Variants in PLD5 observed in about 807,000 individuals in gnomAD.
PLD5 encodes phospholipase D family member 5.
A neutral mutation model predicts 61.1 loss-of-function variants in PLD5; 36 were observed. The observed-to-expected ratio is 0.59, with a 90% CI of 0.45 to 0.78. The LOEUF (loss-of-function observed/expected upper bound fraction) is 0.78, where lower values mean the gene tolerates loss of function less well. Among genes scored for constraint, PLD5 ranks in the 30% least tolerant of loss-of-function variants. The pLI, the probability that PLD5 is intolerant of heterozygous loss-of-function variation, is 0.00. For missense variants in PLD5, 515 were observed against 644.4 expected (o/e 0.80, Z 2.17); for synonymous variants, 243 against 242.8 (o/e 1.00, Z -0.01).
At chr1:242,163,935 A>T (rs1051533770) in intron 5 of PLD5, among the ~76,000 whole-genome samples, 2 of 152,184 alleles carry the variant, frequency 1.3e-5, no homozygotes, top group African/African-American at 4.8e-5. Context: ...ATATATATAC[A>T]TTCCAGCAGA....
chr1:242,413,924 A>G (rs1219901379), intron 1 of PLD5, among the ~76,000 whole-genome samples: 1 of 152,178 alleles, frequency 6.6e-6, no homozygotes, highest in Admixed American at 6.5e-5. Flanking sequence ...TTGTTAAGGA[A>G]CCAAGATTTT....
In PLD5 at chr1:242,219,981, A is replaced by C. The variant is rs1226114025; in HGVS notation, c.735+7T>G. ...AACATTGAGTTTACATAACGTAGAA[A>C]GCTTACCTGTCCCAGGGATTGCCAG... On this transcript the variant is annotated splice_region_variant and intron_variant, in intron 5 of 9. Transcript: ENST00000536534. 1 of 1,612,714 alleles carries C rather than the reference A, an allele frequency of 6.2e-7. No homozygotes were observed. Among genetic ancestry groups the C allele is most frequent in the African/African-American group, 1.3e-5 (1 of 74,930 alleles).
intron 4 of PLD5, among the ~76,000 whole-genome samples, chr1:242,238,342 C>A (rs1671773253): frequency 6.6e-6 from 1 of 152,194 alleles, no homozygotes; most frequent in African/African-American, 2.4e-5. Context: ...CCTCTTCCTG[C>A]ACTTCATGGA....
intron 1 of PLD5, among the ~76,000 whole-genome samples, chr1:242,442,540 G>A (rs1208860664): frequency 2.0e-5 from 3 of 152,268 alleles, no homozygotes; most frequent in South Asian, 2.1e-4. Flanking sequence ...ATCATGAGAC[G>A]CCACATGATG....
intron 8 of PLD5, among the ~76,000 whole-genome samples, chr1:242,101,085 C>G (rs1193746313): frequency 6.6e-6 from 1 of 152,156 alleles, no homozygotes; most frequent in Admixed American, 6.5e-5. Flanking sequence ...TTCTCATTGT[C>G]TTATTCATCG....
chr1:242,162,439 T>C (rs886121918), intron 5 of PLD5, among the ~76,000 whole-genome samples: 9 of 152,200 alleles, frequency 5.9e-5, no homozygotes, highest in Non-Finnish European at 1.2e-4. Context: ...AATATGATTA[T>C]TGTCAGTCAC....
rs571858867 is a variant in PLD5 at position 242,085,659 on chromosome 1, T to C, written c.*4195A>G. 2 of 152,316 alleles carry C rather than the reference T, an allele frequency of 1.3e-5. No homozygotes were observed. The highest frequency in any genetic ancestry group is 2.1e-4 in the South Asian group (1 of 4,828). The allele number at this position is 152,316 out of a possible 1,614,324, so 9.4% of individuals were successfully genotyped here. ...GTGTATAATAAAGCACACCAGTTCATTGGGAACAAGTACAGAAAGATAAAA... is the reference window on the plus strand; with the variant it reads ...GTGTATAATAAAGCACACCAGTTCACTGGGAACAAGTACAGAAAGATAAAA... On this transcript the variant is annotated 3_prime_UTR_variant, in exon 10 of 10. Coordinates refer to ENST00000536534, the MANE Select transcript of PLD5 (RefSeq NM_001372062.1).
chr1:242,435,405 T>C (rs1043210580), intron 1 of PLD5, among the ~76,000 whole-genome samples: 1 of 149,548 alleles, frequency 6.7e-6, no homozygotes, highest in Non-Finnish European at 1.5e-5. Context: ...AGCATCTGTG[T>C]GTTTTTTGTT....
chr1:242,215,416 C>T (rs75621054), intron 5 of PLD5, among the ~76,000 whole-genome samples: 1 of 151,960 alleles, frequency 6.6e-6, no homozygotes, highest in Non-Finnish European at 1.5e-5. Context: ...TGGGTAAAGA[C>T]CCGGCAACAC....
At chr1:242,342,907 A>C (rs1411794073) in intron 2 of PLD5, among the ~76,000 whole-genome samples, 1 of 152,212 alleles carries the variant, frequency 6.6e-6, no homozygotes, top group Non-Finnish European at 1.5e-5. Flanking sequence ...CAGTACAGTA[A>C]TCTAGCAGCA....
chr1:242,353,276 C>A (rs1422127002), intron 1 of PLD5, among the ~76,000 whole-genome samples: 1 of 152,092 alleles, frequency 6.6e-6, no homozygotes, highest in South Asian at 2.1e-4. Context: ...GAAGACAGTG[C>A]TCTTTTTCCA....
chr1:242,481,769 G>C (rs1270233696), intron 1 of PLD5, among the ~76,000 whole-genome samples: 3 of 152,158 alleles, frequency 2.0e-5, no homozygotes, highest in African/African-American at 7.2e-5. Flanking sequence ...TCCTCAAGTG[G>C]GTCCCTGACC....
chr1:242,198,070 C>CTGAATGAATGAATGAATGAA (rs58830670), intron 5 of PLD5, among the ~76,000 whole-genome samples: 5 of 150,500 alleles, frequency 3.3e-5, no homozygotes, highest in East Asian at 2.0e-4. Flanking sequence ...CAAATCCTTG[C>CTGAATGAATGAATGAATGAA]TGAATGAATG....
At chr1:242,357,417 GA>G (rs1345154252) in intron 1 of PLD5, among the ~76,000 whole-genome samples, 1 of 149,950 alleles carries the variant, frequency 6.7e-6, no homozygotes, top group African/African-American at 2.4e-5. Flanking sequence ...TTTTTGGGTT[GA>G]ACTTAGTTGA....
At chr1:242,454,928 T>C (rs1171769552) in intron 1 of PLD5, among the ~76,000 whole-genome samples, 2 of 152,244 alleles carry the variant, frequency 1.3e-5, no homozygotes, top group African/African-American at 2.4e-5. Flanking sequence ...TCAGGAATTA[T>C]GTATGTGCCT....
chr1:242,098,944 C>T (rs1268008938), intron 9 of PLD5, among the ~76,000 whole-genome samples: 1 of 152,098 alleles, frequency 6.6e-6, no homozygotes, highest in Non-Finnish European at 1.5e-5. Context: ...GAGTACCCCA[C>T]CGTGTGAGGT....
intron 1 of PLD5, chr1:242,449,574 A>G: frequency 1.4e-6 from 2 of 1,390,140 alleles, no homozygotes; most frequent in Non-Finnish European, 1.9e-6. Context: ...GCAGCTTGCA[A>G]TTTCAGAATT....
chr1:242,455,385 A>G (rs1666913622), intron 1 of PLD5, among the ~76,000 whole-genome samples: 1 of 152,174 alleles, frequency 6.6e-6, no homozygotes, highest in Non-Finnish European at 1.5e-5. Context: ...AATTTTTTTG[A>G]CATAAAGGAC....
intron 5 of PLD5, among the ~76,000 whole-genome samples, chr1:242,162,138 T>G (rs189190814): frequency 6.6e-6 from 1 of 152,222 alleles, no homozygotes; most frequent in Admixed American, 6.5e-5. Context: ...GAAGCTAAAT[T>G]CTCCTTTAAA....
Sources: gnomAD v4.1 joint callset for allele counts (sites outside exome capture counted in the v4.1 genomes callset) on GRCh38, gnomAD v4.1.1 for gene constraint, MANE v1.5 for transcripts, NCBI Gene and HGNC (gene_info 2026-07-23, HGNC 2026-07-21) for gene names.